Variants in RARB observed in about 807,000 individuals in gnomAD.
The protein encoded by RARB is retinoic acid receptor beta, also known as HBV-activated protein.
Under a neutral mutation model 51.9 loss-of-function variants are expected in RARB, and 17 were observed. The observed-to-expected ratio is 0.33, with a 90% confidence interval of 0.22 to 0.49. The LOEUF is 0.49. RARB is among the 20% of genes least tolerant of loss of function. The probability of loss-of-function intolerance (pLI) is 0.99; values close to 1 mark genes in which losing one functional copy is unlikely to be tolerated. For synonymous variants in RARB, 215 were observed against 195.4 expected, an observed-to-expected ratio of 1.10 and a Z score of -0.84; for missense variants, 369 against 550.8, an observed-to-expected ratio of 0.67 and a Z score of 3.30.
intron 5 of RARB, among the ~76,000 whole-genome samples, chr3:25,353,320 A>G (rs1378988752): frequency 2.0e-5 from 3 of 152,174 alleles, no homozygotes; most frequent in Non-Finnish European, 4.4e-5. Flanking sequence ...TCACCATACT[A>G]TAGAGTCTGC....
chr3:25,470,996 A>G (rs1001840619), intron 2 of RARB, among the ~76,000 whole-genome samples: 1 of 152,254 alleles, frequency 6.6e-6, no homozygotes, highest in Non-Finnish European at 1.5e-5. Context: ...CTAATTATAC[A>G]GTAATTAGTG....
chr3:25,266,915 A>G (rs1360381914), intron 5 of RARB, among the ~76,000 whole-genome samples: 3 of 152,180 alleles, frequency 2.0e-5, no homozygotes, highest in South Asian at 2.1e-4. Flanking sequence ...ATACATTTCT[A>G]TTGTTTAAGC....
At chr3:25,143,281 T>A (rs909188551) in intron 4 of RARB, among the ~76,000 whole-genome samples, 1 of 152,178 alleles carries the variant, frequency 6.6e-6, no homozygotes, top group Admixed American at 6.5e-5. Context: ...TCTGACAGTG[T>A]AGGATGAAGA....
chr3:25,058,738 C>G (rs942414212), intron 2 of RARB, among the ~76,000 whole-genome samples: 2 of 151,536 alleles, frequency 1.3e-5, no homozygotes, highest in African/African-American at 4.8e-5. Context: ...ATTGATTATG[C>G]AATTGATCAA....
chr3:25,593,797 G>T, intron 6 of RARB, 90 bp downstream of exon 6: 2 of 1,319,832 alleles, frequency 1.5e-6, no homozygotes, highest in African/African-American at 1.5e-5. Flanking sequence ...CCCTTTTGGA[G>T]TTGTTTTACA....
chr3:24,971,103 A>T (rs925552740), intron 2 of RARB, among the ~76,000 whole-genome samples: 1 of 151,972 alleles, frequency 6.6e-6, no homozygotes, highest in South Asian at 2.1e-4. Flanking sequence ...AAATAATCAG[A>T]TCCTAACAGG....
chr3:25,507,801 G>T (rs891502192), intron 3 of RARB, among the ~76,000 whole-genome samples: 2 of 152,128 alleles, frequency 1.3e-5, no homozygotes, highest in Admixed American at 6.5e-5. Flanking sequence ...ATTATGACTC[G>T]GGTGCTGTGA....
At chr3:25,531,473 G>A (rs1297630613) in intron 3 of RARB, among the ~76,000 whole-genome samples, 3 of 152,064 alleles carry the variant, frequency 2.0e-5, no homozygotes, top group Non-Finnish European at 2.9e-5. Flanking sequence ...GTGTGTGTGC[G>A]TGCGTGTGTA....
chr3:25,530,378 G>T (rs992391406), intron 3 of RARB, among the ~76,000 whole-genome samples: 1 of 152,180 alleles, frequency 6.6e-6, no homozygotes, highest in Non-Finnish European at 1.5e-5. Flanking sequence ...TTAGCGGCTT[G>T]AACTAACACA....
At chr3:25,065,775 G>A (rs568596035) in intron 3 of RARB, among the ~76,000 whole-genome samples, 2 of 152,310 alleles carry the variant, frequency 1.3e-5, no homozygotes, top group South Asian at 2.1e-4. Context: ...GAAGAATGAT[G>A]TCAAAGGGCT....
intron 2 of RARB, among the ~76,000 whole-genome samples, chr3:24,977,062 G>T (rs1696532303): frequency 6.6e-6 from 1 of 152,146 alleles, no homozygotes; most frequent in South Asian, 2.1e-4. Flanking sequence ...TCAAAGATCA[G>T]ATGGTTGTAG....
At chr3:25,184,922 C>G (rs1476153343) in intron 5 of RARB, among the ~76,000 whole-genome samples, 1 of 152,036 alleles carries the variant, frequency 6.6e-6, no homozygotes, top group Non-Finnish European at 1.5e-5. Flanking sequence ...AAAGTAAAAA[C>G]TTAGTAAATA....
At chr3:25,471,253 C>T (rs1695674803) in intron 2 of RARB, among the ~76,000 whole-genome samples, 1 of 152,128 alleles carries the variant, frequency 6.6e-6, no homozygotes, top group Admixed American at 6.5e-5. Flanking sequence ...AACGTATGTC[C>T]TCTCTGATAC....
intron 2 of RARB, among the ~76,000 whole-genome samples, chr3:25,040,477 G>T (rs2125294646): frequency 6.6e-6 from 1 of 152,254 alleles, no homozygotes. Flanking sequence ...TTACACCTGT[G>T]ATCTCAGCAC....
chr3:25,163,504 A>AATATATATATATAT lies in RARB; in HGVS notation c.-279-10594_-279-10581dup, dbSNP rs138389529. ...TGAGCAGAATAAGACCCTATCTCAA[A>AATATATATATATAT]ATATATATATATATATATATATATA... On this transcript the variant is annotated intron_variant, in intron 4 of 11. Transcript: ENST00000383772. 9.8e-3 allele frequency among the ~76,000 whole-genome samples: 1,282 copies of AATATATATATATAT among 130,484 alleles called. 11 individuals are homozygous for AATATATATATATAT. Among genetic ancestry groups the AATATATATATATAT allele is most frequent in the Non-Finnish European group, 0.015 (942 of 62,466 alleles). 85.6% of individuals were successfully genotyped at this position (130,484 alleles called of 152,430 possible). A position where few individuals can be genotyped will look rare whatever the true frequency, so the allele number is the denominator to read the frequency against.
At chr3:25,052,967 A>G (rs1698367256) in intron 2 of RARB, among the ~76,000 whole-genome samples, 1 of 152,150 alleles carries the variant, frequency 6.6e-6, no homozygotes, top group Admixed American at 6.5e-5. Flanking sequence ...TCCTTCCTCT[A>G]GGTTACCTGG....
At chr3:25,269,555 G>C (rs1414086964) in intron 5 of RARB, among the ~76,000 whole-genome samples, 1 of 152,132 alleles carries the variant, frequency 6.6e-6, no homozygotes, top group African/African-American at 2.4e-5. Flanking sequence ...CATTGAATAG[G>C]TGTGAAGATC....
intron 5 of RARB, among the ~76,000 whole-genome samples, chr3:25,325,547 C>A (rs904050690): frequency 6.7e-6 from 1 of 150,292 alleles, no homozygotes; most frequent in African/African-American, 2.5e-5. Context: ...AAATACCCCC[C>A]AGGCACTTCA....
intron 2 of RARB, among the ~76,000 whole-genome samples, chr3:25,469,153 A>G (rs1433171529): frequency 6.6e-6 from 1 of 152,250 alleles, no homozygotes. Flanking sequence ...TCTCCATGAC[A>G]GCGTTCGGCT....
Sources: allele counts gnomAD v4.1 joint callset (sites outside exome capture counted in the v4.1 genomes callset), GRCh38; gene constraint gnomAD v4.1.1; transcripts MANE v1.5; gene names NCBI Gene and HGNC (gene_info 2026-07-23, HGNC 2026-07-21).